The following ITGAE variants were observed in gnomAD, a reference collection of about 807,000 sequenced individuals.
ITGAE encodes integrin alpha-E.
A neutral mutation model predicts 136.5 loss-of-function variants in ITGAE; 99 were observed. The observed-to-expected ratio is 0.73, with a 90% confidence interval of 0.62 to 0.86. The LOEUF (loss-of-function observed/expected upper bound fraction) is 0.86, where lower values mean the gene tolerates loss of function less well. ITGAE is among the 40% of genes least tolerant of loss of function. The probability of loss-of-function intolerance (pLI) is 0.00; values close to 1 mark genes in which losing one functional copy is unlikely to be tolerated. For synonymous variants in ITGAE, 613 were observed against 591.8 expected, an observed-to-expected ratio of 1.04 and a Z score of -0.52; for missense variants, 1,447 against 1,515.3, an observed-to-expected ratio of 0.95 and a Z score of 0.75.
intron 3 of ITGAE, among the ~76,000 whole-genome samples, chr17:3,762,589 ATT>A (rs1201695419): frequency 0.012 from 1,303 of 111,588 alleles, 12 homozygotes; most frequent in African/African-American, 0.029. Context: ...TCAGACAAGG[ATT>A]TTTTTTTTTT....
chr17:3,784,457 C>T (rs1357071073), intron 1 of ITGAE: 4 of 169,746 alleles, frequency 2.4e-5, no homozygotes, highest in Non-Finnish European at 5.0e-5. Flanking sequence ...TGCAGTGGTG[C>T]AATCTTGGCT....
chr17:3,730,540 G>C (rs1426943858), intron 23 of ITGAE: 1 of 152,816 alleles, frequency 6.5e-6, no homozygotes, highest in Non-Finnish European at 1.5e-5. Context: ...GAAGAATACT[G>C]ATTTTAAAAG....
chr17:3,775,243 C>G (rs2052513336), intron 2 of ITGAE, among the ~76,000 whole-genome samples: 1 of 152,132 alleles, frequency 6.6e-6, no homozygotes, highest in South Asian at 2.1e-4. Context: ...GCCACTGCAC[C>G]TGCCAACCTT....
At chr17:3,778,252 C>A (rs1020613647) in intron 1 of ITGAE, among the ~76,000 whole-genome samples, 4 of 152,104 alleles carry the variant, frequency 2.6e-5, no homozygotes, top group African/African-American at 7.2e-5. Context: ...GATACAGCAG[C>A]GTGATGAATC....
Position 3,762,347 on chromosome 17 carries a change from G to A in ITGAE, c.248-365C>T, listed in dbSNP as rs951794002. 4.6e-5 allele frequency among the ~76,000 whole-genome samples: 7 copies of A among 152,150 alleles called. No individual in the cohort carries two copies. In the East Asian group the frequency reaches 1.4e-3, roughly 29 times the overall value. ...GAAGCACTGCCTGGTGGGTATGTAA[G>A]TGCCAAGGAATGTGCAAGATACCGT... On this transcript the variant is annotated intron_variant, in intron 3 of 30. Transcript: ENST00000263087.
intron 17 of ITGAE, among the ~76,000 whole-genome samples, chr17:3,746,808 G>A (rs529528789): frequency 6.6e-6 from 1 of 152,226 alleles, no homozygotes; most frequent in South Asian, 2.1e-4. Context: ...AGCCAGGATG[G>A]TCTCGATCTC....
chr17:3,737,748 A>G (rs1192246853), intron 20 of ITGAE, among the ~76,000 whole-genome samples: 1 of 152,166 alleles, frequency 6.6e-6, no homozygotes, highest in African/African-American at 2.4e-5. Flanking sequence ...AGGGGTCTGT[A>G]GTCTTCATTA....
At chr17:3,755,056 G>A (rs1237406665) in intron 12 of ITGAE, 61 bp downstream of exon 12, 3 of 482,166 alleles carry the variant, frequency 6.2e-6, no homozygotes, top group Non-Finnish European at 5.8e-6. Flanking sequence ...CTCGCCCAGG[G>A]AGCCTCCAGG....
At chr17:3,750,730 C>A (rs1244922231) in intron 15 of ITGAE, among the ~76,000 whole-genome samples, 1 of 151,372 alleles carries the variant, frequency 6.6e-6, no homozygotes, top group Non-Finnish European at 1.5e-5. Context: ...AGAGCAGGGC[C>A]TTCTGAGAAG....
At chr17:3,793,362 A>G (rs1313832012) in intron 1 of ITGAE, among the ~76,000 whole-genome samples, 1 of 144,712 alleles carries the variant, frequency 6.9e-6, no homozygotes. Context: ...TTTTTTCTTC[A>G]TTTTGAGTTG....
rs148620196 is a variant in ITGAE at position 3,759,535 on chromosome 17, G to T, written c.733C>A (p.Gln245Lys). Residue 245 changes from glutamine to lysine, a missense_variant, in exon 8 of 31, where the codon CAG becomes AAG. Physicochemically the swap from Gln to Lys is moderately conservative, Grantham distance 53 (BLOSUM62 1). Coordinates refer to ENST00000263087, the MANE Select transcript of ITGAE (RefSeq NM_002208.5). ...KCFECNFALVQYGGVIQTEFD... is the reference protein window; with the variant it reads ...KCFECNFALVKYGGVIQTEFD... The stretch of plus-strand genomic sequence containing the variant: ...TCAGTCTGGATCACTCCTCCATACT[G>T]CACCAAGGCAAAGTTGCACTGCAGG... The T allele has an allele frequency of 6.7e-4, 1,086 of 1,612,504 alleles. No individual in the cohort carries two copies. Among genetic ancestry groups the T allele is most frequent in the Non-Finnish European group, 8.8e-4 (1,036 of 1,178,712 alleles).
At chr17:3,757,957 G>C in intron 8 of ITGAE, 98 bp from the exon 9 acceptor site, 2 of 1,399,370 alleles carry the variant, frequency 1.4e-6, no homozygotes, top group East Asian at 2.3e-5. Flanking sequence ...GAATTGGGAG[G>C]GTTCACAATC....
At chr17:3,776,365 T>C (rs2052540447) in intron 2 of ITGAE, among the ~76,000 whole-genome samples, 1 of 152,048 alleles carries the variant, frequency 6.6e-6, no homozygotes, top group Admixed American at 6.6e-5. Flanking sequence ...GCAGAACCTG[T>C]GCTAAGCCCT....
chr17:3,800,098 C>T (rs1042926202), intron 1 of ITGAE, among the ~76,000 whole-genome samples: 3 of 152,126 alleles, frequency 2.0e-5, no homozygotes, highest in Non-Finnish European at 4.4e-5. Flanking sequence ...GCCTGGGCAG[C>T]AGAGCAAGAC....
chr17:3,797,817 C>A (rs2053158625), intron 1 of ITGAE, among the ~76,000 whole-genome samples: 1 of 152,168 alleles, frequency 6.6e-6, no homozygotes, highest in Non-Finnish European at 1.5e-5. Flanking sequence ...CCTTCCGCAA[C>A]AGCCGCAGAT....
chr17:3,750,561 G>C (rs943022567), intron 15 of ITGAE, 79 bp from the exon 16 acceptor site: 4 of 1,535,200 alleles, frequency 2.6e-6, no homozygotes, highest in South Asian at 2.3e-5. Flanking sequence ...GATCTATCCC[G>C]ATCAGCATCG....
intron 30 of ITGAE, 73 bp downstream of exon 30, chr17:3,716,615 C>A: frequency 1.1e-6 from 1 of 888,946 alleles, no homozygotes; most frequent in Non-Finnish European, 1.8e-6. Context: ...CAGAGGTTGG[C>A]TGTCCTAAGG....
At chr17:3,778,785 T>C (rs1455699719) in intron 1 of ITGAE, among the ~76,000 whole-genome samples, 2 of 152,172 alleles carry the variant, frequency 1.3e-5, no homozygotes, top group Non-Finnish European at 2.9e-5. Context: ...TCTTTCACCA[T>C]AAACAACTAG....
chr17:3,755,276 G>A lies in ITGAE; in HGVS notation c.1240-15C>T, dbSNP rs755425475. 2 of 1,563,574 alleles carry A rather than the reference G, an allele frequency of 1.3e-6. No individual in the cohort carries two copies. The highest frequency in any genetic ancestry group is 1.7e-4 in the Middle Eastern group (1 of 5,960). ...AGCACCTGCCGCTGAAGGGGACGGGGATGGGGCCCAGATGAGTGGGAGGGA... is the reference window on the plus strand; with the variant it reads ...AGCACCTGCCGCTGAAGGGGACGGGAATGGGGCCCAGATGAGTGGGAGGGA... On this transcript the variant is annotated splice_polypyrimidine_tract_variant and intron_variant, in intron 11 of 30. Coordinates refer to ENST00000263087, the MANE Select transcript of ITGAE (RefSeq NM_002208.5).
Sources: allele counts gnomAD v4.1 joint callset (sites outside exome capture counted in the v4.1 genomes callset), GRCh38; gene constraint gnomAD v4.1.1; transcripts MANE v1.5; gene names NCBI Gene and HGNC (gene_info 2026-07-23, HGNC 2026-07-21).